The following FAT4 variants were observed in gnomAD, a reference collection of about 807,000 sequenced individuals.
The protein encoded by FAT4 is FAT atypical cadherin 4, also known as protocadherin Fat 4.
FAT4 carries 84 observed loss-of-function variants against 303.9 expected under a neutral mutation model. That is an observed-to-expected ratio of 0.28 (90% CI 0.23 to 0.33). The LOEUF (loss-of-function observed/expected upper bound fraction) is 0.33, where lower values mean the gene tolerates loss of function less well. Ranked by LOEUF, FAT4 falls within the 10% of genes least tolerant of loss-of-function variation. The pLI is 1.00. For synonymous variants in FAT4, 2,307 were observed against 2,298.8 expected (o/e 1.00, Z -0.10); for missense variants, 6,005 against 6,146.8 (o/e 0.98, Z 0.77).
chr4:125,445,366 A>G (rs1319578454), intron 8 of FAT4, among the ~76,000 whole-genome samples: 1 of 152,178 alleles, frequency 6.6e-6, no homozygotes, highest in African/African-American at 2.4e-5. Context: ...TATTAGATAT[A>G]TGCTGTTGCT....
At position 125,431,855 on chromosome 4, in the gene FAT4, A is replaced by AT. The variant is rs11354280; in HGVS notation, c.7019-2380dup. Among the ~76,000 whole-genome samples, 316 of 150,708 alleles carry AT rather than the reference A, an allele frequency of 2.1e-3. 2 individuals carry two copies. The highest frequency in any genetic ancestry group is 6.9e-3 in the African/African-American group (283 of 41,056). ...CAAATGCACACATATTCCCTAGGTA[A>AT]TTTTTTTTTTATGCAACTGGTGGGA... On this transcript the variant is annotated intron_variant, in intron 7 of 17. Coordinates refer to ENST00000394329, the MANE Select transcript of FAT4 (RefSeq NM_001291303.3).
In FAT4 at chr4:125,319,414, T is replaced by C. The variant is rs1295148063; in HGVS notation, c.3003T>C (p.Tyr1001=). ...CACCAGTGTTTGACCAACTCTCTTATGAAGTCACCCTTTCTGAGTCAGAAC... is the reference window on the plus strand; with the variant it reads ...CACCAGTGTTTGACCAACTCTCTTACGAAGTCACCCTTTCTGAGTCAGAAC... The part of the protein sequence containing the change: ...DNSPVFDQLS[Y]EVTLSESEPV... Residue 1001 remains tyrosine, a synonymous_variant, in exon 2 of 18, where the codon TAT becomes TAC. Coordinates refer to ENST00000394329, the MANE Select transcript of FAT4 (RefSeq NM_001291303.3). 7 of 1,613,702 alleles carry C rather than the reference T, an allele frequency of 4.3e-6. No homozygotes were observed. The highest frequency in any genetic ancestry group is 3.3e-5 in the Admixed American group (2 of 60,026).
intron 2 of FAT4, among the ~76,000 whole-genome samples, chr4:125,396,954 ATATATATAT>A: frequency 1.8e-5 from 2 of 111,612 alleles, no homozygotes; most frequent in Non-Finnish European, 3.9e-5. Flanking sequence ...ATATATATAT[ATATATATAT>A]ATAAAATATG....
At chr4:125,429,048 T>C (rs767200744) in intron 7 of FAT4, among the ~76,000 whole-genome samples, 5 of 152,182 alleles carry the variant, frequency 3.3e-5, no homozygotes, top group Non-Finnish European at 7.3e-5. Flanking sequence ...AGCTAAACAT[T>C]GGCCCTAGTA....
At chr4:125,334,799 CA>C (rs1263834565) in intron 2 of FAT4, among the ~76,000 whole-genome samples, 1 of 151,890 alleles carries the variant, frequency 6.6e-6, no homozygotes, top group Non-Finnish European at 1.5e-5. Context: ...TTTAATTGCA[CA>C]AAAGTTAACC....
At chr4:125,385,395 A>G (rs1389466680) in intron 2 of FAT4, among the ~76,000 whole-genome samples, 1 of 152,186 alleles carries the variant, frequency 6.6e-6, no homozygotes, top group Non-Finnish European at 1.5e-5. Flanking sequence ...TTTAGTGTGC[A>G]TATTTAAAAG....
rs1391763502 is a variant in FAT4, at chr4:125,448,564, C to T, written c.7554C>T (p.Asp2518=). ...GAAATTCTGAAAAATTTCACATTGA[C>T]CCACTGAGGGGAGCCATTATGGCCG... ...SGRNSEKFHI[D]PLRGAIMAAG... is the part of the protein sequence containing the mutation. Residue 2518 remains aspartate, a synonymous_variant, in exon 10 of 18, where the codon GAC becomes GAT. Coordinates refer to ENST00000394329, the MANE Select transcript of FAT4 (RefSeq NM_001291303.3). 1 of 1,613,920 alleles carries T rather than the reference C, an allele frequency of 6.2e-7. No individual in the cohort carries two copies. The highest frequency in any genetic ancestry group is 8.5e-7 in the Non-Finnish European group (1 of 1,179,904).
intron 7 of FAT4, among the ~76,000 whole-genome samples, chr4:125,418,521 T>C (rs1054090178): frequency 1.3e-5 from 2 of 152,200 alleles, no homozygotes; most frequent in African/African-American, 4.8e-5. Context: ...ATGTATGCAG[T>C]GCTAAAAGTT....
intron 12 of FAT4, among the ~76,000 whole-genome samples, chr4:125,471,311 C>T (rs1013083063): frequency 6.6e-6 from 1 of 152,170 alleles, no homozygotes; most frequent in Non-Finnish European, 1.5e-5. Flanking sequence ...AAAGTAAGCA[C>T]ATGCTGTTGG....
At chr4:125,408,377 C>A in intron 4 of FAT4, 67 bp from the exon 5 acceptor site, 2 of 1,061,056 alleles carry the variant, frequency 1.9e-6, no homozygotes, top group South Asian at 3.2e-5. Flanking sequence ...TGGTCTCTTT[C>A]TATATGTTCT....
intron 2 of FAT4, among the ~76,000 whole-genome samples, chr4:125,376,690 G>A (rs184834429): frequency 3.5e-4 from 53 of 152,094 alleles, no homozygotes; most frequent in African/African-American, 1.1e-3. Context: ...ACCTGAGGTC[G>A]GGAGTTCGAA....
In FAT4 at chr4:125,362,230, A is replaced by AT. The variant is rs374859634; in HGVS notation, c.5176-36545dup. Among the ~76,000 whole-genome samples, 500 of 151,336 alleles carry AT rather than the reference A, an allele frequency of 3.3e-3. 3 individuals are homozygous for AT. The highest frequency in any genetic ancestry group is 0.01 in the Middle Eastern group (3 of 292). On this transcript the variant is annotated intron_variant, in intron 2 of 17. Coordinates refer to ENST00000394329, the MANE Select transcript of FAT4 (RefSeq NM_001291303.3). ...CGTATGTGTGTGTTTACACATAAAC[A>AT]TTTTTTTTTCCTTTCTCAACTTTTT...
intron 3 of FAT4, among the ~76,000 whole-genome samples, chr4:125,404,634 T>C (rs1286034831): frequency 6.6e-6 from 1 of 152,168 alleles, no homozygotes; most frequent in Non-Finnish European, 1.5e-5. Context: ...CAATACAGTA[T>C]TGTTAACTAT....
intron 3 of FAT4, 140 bp from the exon 4 acceptor site, chr4:125,406,740 C>A: frequency 1.2e-6 from 1 of 850,764 alleles, no homozygotes; most frequent in Non-Finnish European, 1.8e-6. Context: ...GTTTATCTCT[C>A]ATTACCTGTT....
intron 2 of FAT4, among the ~76,000 whole-genome samples, chr4:125,379,040 A>G (rs1733438798): frequency 6.6e-6 from 1 of 151,908 alleles, no homozygotes; most frequent in Admixed American, 6.6e-5. Flanking sequence ...TCAACAGAAA[A>G]CCCTTGATTA....
Position 125,320,305 on chromosome 4 carries a change from G to A in FAT4, c.3894G>A (p.Thr1298=), listed in dbSNP as rs750798635. The part of the protein sequence containing the change: ...VDSGTIPLNS[T]CTLNIDILDE... Reference sequence around the variant, plus strand: ...CAGGGACAATCCCCCTCAATTCAACGTGTACTTTAAATATTGATATTTTAG... The same window carrying A: ...CAGGGACAATCCCCCTCAATTCAACATGTACTTTAAATATTGATATTTTAG... Residue 1298 remains threonine, a synonymous_variant, in exon 2 of 18, where the codon ACG becomes ACA. Transcript: ENST00000394329. The A allele has an allele frequency of 1.6e-5, 26 of 1,613,184 alleles. No homozygotes were observed. The highest frequency in any genetic ancestry group is 1.2e-4 in the Admixed American group (7 of 59,994).
chr4:125,409,593 G>A (rs993649454), intron 5 of FAT4, among the ~76,000 whole-genome samples: 4 of 152,104 alleles, frequency 2.6e-5, no homozygotes, highest in Non-Finnish European at 5.9e-5. Flanking sequence ...ATTTCAGCTC[G>A]AACAGTCTCA....
intron 8 of FAT4, among the ~76,000 whole-genome samples, chr4:125,439,504 T>C (rs184650088): frequency 6.6e-6 from 1 of 151,644 alleles, no homozygotes; most frequent in East Asian, 2.0e-4. Context: ...GGCTAATTTT[T>C]TTTTTTTTGT....
intron 2 of FAT4, among the ~76,000 whole-genome samples, chr4:125,385,027 T>A (rs866012115): frequency 0.036 from 4,209 of 118,152 alleles, 63 homozygotes; most frequent in Non-Finnish European, 0.059. Context: ...TATATATATT[T>A]TTTTTTTTTT....
Sources: allele counts gnomAD v4.1 joint callset (sites outside exome capture counted in the v4.1 genomes callset), GRCh38; gene constraint gnomAD v4.1.1; transcripts MANE v1.5; gene names NCBI Gene and HGNC (gene_info 2026-07-23, HGNC 2026-07-21).